The following ARHGEF10 variants were observed in gnomAD, a reference collection of about 807,000 sequenced individuals.
The protein encoded by ARHGEF10 is Rho guanine nucleotide exchange factor 10, also known as Rho guanine nucleotide exchange factor (GEF) 10.
Under a neutral mutation model 147.4 loss-of-function variants are expected in ARHGEF10, and 140 were observed. That is an observed-to-expected ratio of 0.95 (90% CI 0.83 to 1.09). The LOEUF is 1.09. Among genes scored for constraint, ARHGEF10 ranks in the 50% least tolerant of loss-of-function variants. ARHGEF10 has a pLI of 0.00. For synonymous variants in ARHGEF10, 902 were observed against 695.8 expected (o/e 1.30, Z -4.67); for missense variants, 2,222 against 1,752.7 (o/e 1.27, Z -4.78).
At chr8:1,848,012 C>T (rs370021947) in intron 2 of ARHGEF10, among the ~76,000 whole-genome samples, 3 of 152,196 alleles carry the variant, frequency 2.0e-5, no homozygotes, top group East Asian at 1.9e-4. Flanking sequence ...GAAGGTGGCC[C>T]GGGAATGGGT....
At chr8:1,879,779 C>T (rs1201338499) in intron 8 of ARHGEF10, among the ~76,000 whole-genome samples, 1 of 152,064 alleles carries the variant, frequency 6.6e-6, no homozygotes, top group Non-Finnish European at 1.5e-5. Flanking sequence ...TCTTGAACTC[C>T]TGAGCTCAAT....
intron 7 of ARHGEF10, among the ~76,000 whole-genome samples, chr8:1,873,922 A>AG (rs1344936109): frequency 1.3e-5 from 2 of 151,994 alleles, no homozygotes; most frequent in Non-Finnish European, 2.9e-5. Context: ...TTCAGCACGT[A>AG]GGACTGAGTG....
chr8:1,867,586 C>G (rs1806733922), intron 6 of ARHGEF10, among the ~76,000 whole-genome samples: 1 of 152,202 alleles, frequency 6.6e-6, no homozygotes. Flanking sequence ...CAGAGTAAAC[C>G]TAAAGGCATT....
chr8:1,914,642 A>G (rs975157629), intron 18 of ARHGEF10, among the ~76,000 whole-genome samples: 66 of 152,332 alleles, frequency 4.3e-4, no homozygotes, highest in African/African-American at 1.5e-3. Flanking sequence ...AGTCGAAATG[A>G]AGGAAACAGA....
intron 18 of ARHGEF10, among the ~76,000 whole-genome samples, chr8:1,912,965 C>A (rs117038954): frequency 7.2e-5 from 11 of 152,152 alleles, no homozygotes; most frequent in Admixed American, 6.5e-4. Flanking sequence ...TTCCTTCTCA[C>A]GTTGCGCTCC....
At chr8:1,924,923 A>G (rs535160187) in intron 21 of ARHGEF10, among the ~76,000 whole-genome samples, 1 of 152,322 alleles carries the variant, frequency 6.6e-6, no homozygotes, top group East Asian at 1.9e-4. Flanking sequence ...CATCTCTGGT[A>G]TTTGAATCTA....
chr8:1,874,838 G>A (rs1483221574), intron 7 of ARHGEF10, among the ~76,000 whole-genome samples: 5 of 137,008 alleles, frequency 3.6e-5, no homozygotes, highest in East Asian at 4.4e-4. Flanking sequence ...CACACACCAC[G>A]GCGTGTAGGG....
intron 4 of ARHGEF10, among the ~76,000 whole-genome samples, chr8:1,863,658 C>T (rs973637972): frequency 5.3e-5 from 8 of 152,150 alleles, no homozygotes; most frequent in East Asian, 1.9e-4. Flanking sequence ...AGGAGCCCTC[C>T]GAGGTGGGAG....
chr8:1,832,777 CAGAGACAGAG>C (rs1803256181), intron 1 of ARHGEF10, among the ~76,000 whole-genome samples: 1 of 92,164 alleles, frequency 1.1e-5, no homozygotes, highest in African/African-American at 4.4e-5. Flanking sequence ...GAGACAGAGG[CAGAGACAGAG>C]AGAGACAGAG....
intron 11 of ARHGEF10, among the ~76,000 whole-genome samples, chr8:1,888,823 A>ATGAGGAGATACTGAGTTGGGTGAGGGTTG (rs1563236233): frequency 4.5e-5 from 1 of 22,118 alleles, no homozygotes; most frequent in Non-Finnish European, 7.2e-5. Context: ...GGTGAGAGTT[A>ATGAGGAGATACTGAGTTGGGTGAGGGTTG]TGAGGAGACA....
intron 28 of ARHGEF10, among the ~76,000 whole-genome samples, chr8:1,955,111 GCTCCCTGAAA>G (rs1815397448): frequency 8.5e-6 from 1 of 118,124 alleles, no homozygotes; most frequent in Non-Finnish European, 1.7e-5. Flanking sequence ...ATAGCCAGGT[GCTCCCTGAAA>G]GGAGGTGCAC....
Position 1,850,106 on chromosome 8 carries a change from C to G in ARHGEF10, c.37+6670C>G, listed in dbSNP as rs12547124. ...GGGCAAATGCTGAGGAGGGCGTGGG[C>G]CGGCTGCATGGACACAGAGGGCAAA... On this transcript the variant is annotated intron_variant, in intron 2 of 28. Transcript: ENST00000349830. 6.6e-3 allele frequency among the ~76,000 whole-genome samples: 247 copies of G among 37,574 alleles called. 10 individuals are homozygous for G. Among genetic ancestry groups the G allele is most frequent in the Admixed American group, 0.015 (45 of 3,022 alleles). 24.7% of individuals were successfully genotyped at this position (37,574 alleles called of 152,430 possible). A position where few individuals can be genotyped will look rare whatever the true frequency, so the allele number is the denominator to read the frequency against.
At chr8:1,909,079 T>C (rs1811145445) in intron 17 of ARHGEF10, among the ~76,000 whole-genome samples, 1 of 152,238 alleles carries the variant, frequency 6.6e-6, no homozygotes, top group Non-Finnish European at 1.5e-5. Context: ...CCTGTGCGGC[T>C]CTTCCCTGCA....
At chr8:1,829,735 C>T (rs1243818476) in intron 1 of ARHGEF10, among the ~76,000 whole-genome samples, 1 of 152,152 alleles carries the variant, frequency 6.6e-6, no homozygotes, top group Non-Finnish European at 1.5e-5. Context: ...GGAGTCTAAA[C>T]GAGCGTCATA....
At chr8:1,922,895 C>T (rs1812404476) in intron 18 of ARHGEF10, 69 bp from the exon 19 acceptor site, 1 of 1,095,500 alleles carries the variant, frequency 9.1e-7, no homozygotes, top group Admixed American at 1.8e-5. Flanking sequence ...GTCTTTTCTT[C>T]CCTCAAGTAT....
rs372321649 is a variant in ARHGEF10, at chr8:1,933,782, G to C, written c.3080-18G>C. 332 of 1,614,032 alleles carry C rather than the reference G, an allele frequency of 2.1e-4. No homozygotes were observed. Among genetic ancestry groups the C allele is most frequent in the Non-Finnish European group, 2.5e-4 (297 of 1,180,004 alleles). ...ACAGAAAACTGAACTTGAATGAAATGAAATATTTTCTTTTAAGATGGATCC... is the reference window on the plus strand; with the variant it reads ...ACAGAAAACTGAACTTGAATGAAATCAAATATTTTCTTTTAAGATGGATCC... On this transcript the variant is annotated intron_variant, in intron 25 of 28. Coordinates refer to ENST00000349830, the MANE Select transcript of ARHGEF10 (RefSeq NM_014629.4).
rs771255994 is a variant in ARHGEF10 at position 1,903,466 on chromosome 8, T to C, written c.1821+15T>C. On this transcript the variant is annotated intron_variant, in intron 16 of 28. Coordinates refer to ENST00000349830, the MANE Select transcript of ARHGEF10 (RefSeq NM_014629.4). Reference sequence around the variant, plus strand: ...ACCTGAACAAGGTTGAGAGAGGTTTTCTTCAACTCTATTCCAAAATTATTT... The same window carrying C: ...ACCTGAACAAGGTTGAGAGAGGTTTCCTTCAACTCTATTCCAAAATTATTT... The C allele has an allele frequency of 6.2e-7, 1 of 1,613,806 alleles. No individual in the cohort carries two copies. Among genetic ancestry groups the C allele is most frequent in the South Asian group, 1.1e-5 (1 of 91,086 alleles).
chr8:1,864,577 G>C, intron 5 of ARHGEF10, 141 bp downstream of exon 5: 1 of 824,408 alleles, frequency 1.2e-6, no homozygotes, highest in Non-Finnish European at 2.1e-6. Context: ...CTCCTGCCTC[G>C]GGTCCCTCCC....
At chr8:1,835,063 C>A (rs1803498059) in intron 1 of ARHGEF10, among the ~76,000 whole-genome samples, 1 of 152,216 alleles carries the variant, frequency 6.6e-6, no homozygotes, top group Non-Finnish European at 1.5e-5. Flanking sequence ...GCGCTGATGG[C>A]CCCCGGCCCG....
Sources: allele counts gnomAD v4.1 joint callset (sites outside exome capture counted in the v4.1 genomes callset), GRCh38; gene constraint gnomAD v4.1.1; transcripts MANE v1.5; gene names NCBI Gene and HGNC (gene_info 2026-07-23, HGNC 2026-07-21).